PXDN: variants seen among roughly 807,000 people sequenced by gnomAD.
The protein encoded by PXDN is peroxidasin homolog.
A neutral mutation model predicts 140.3 loss-of-function variants in PXDN; 77 were observed. The ratio of observed to expected loss-of-function variants is 0.55; its 90% CI spans 0.46 to 0.66. The LOEUF (loss-of-function observed/expected upper bound fraction) is 0.66. Among genes scored for constraint, PXDN ranks in the 30% least tolerant of loss-of-function variants. The pLI, the probability that PXDN is intolerant of heterozygous loss-of-function variation, is 0.00. For synonymous variants in PXDN, 911 were observed against 857.4 expected, an observed-to-expected ratio of 1.06 and a Z score of -1.09; for missense variants, 1,838 against 2,039.5, an observed-to-expected ratio of 0.90 and a Z score of 1.90.
intron 1 of PXDN, among the ~76,000 whole-genome samples, chr2:1,711,943 C>G (rs1684796640): frequency 6.6e-6 from 1 of 152,212 alleles, no homozygotes; most frequent in Non-Finnish European, 1.5e-5. Flanking sequence ...TTCACTCAAC[C>G]AGCGGCTCCC....
At chr2:1,666,702 G>A (rs1358359503) in intron 9 of PXDN, among the ~76,000 whole-genome samples, 1 of 152,188 alleles carries the variant, frequency 6.6e-6, no homozygotes, top group Non-Finnish European at 1.5e-5. Flanking sequence ...TGAGAAAAGT[G>A]AGCAACCATG....
Position 1,649,260 on chromosome 2 carries a change from G to A in PXDN, c.2520C>T (p.Arg840=), listed in dbSNP as rs779501118. 9 of 1,613,254 alleles carry A rather than the reference G, an allele frequency of 5.6e-6. No individual in the cohort carries two copies. The highest frequency in any genetic ancestry group is 1.3e-5 in the African/African-American group (1 of 75,040). ...TGCTGCAGTGCTGTCCGTCGGAGAA[G>A]CGTGCCTGGCTCAGGGCCACCACCG... The part of the protein sequence containing the change: ...DSTVVALSQA[R]FSDGQHCSNV... Residue 840 remains arginine (R), a synonymous_variant, in exon 17 of 23, where the codon CGC becomes CGT. Transcript: ENST00000252804. This position sits in a 1 kb window ranked among gnomAD's most constrained non-coding sequence, Gnocchi z 7.1.
chr2:1,671,536 A>G (rs890572301), intron 9 of PXDN, among the ~76,000 whole-genome samples: 1 of 152,204 alleles, frequency 6.6e-6, no homozygotes, highest in African/African-American at 2.4e-5. Context: ...AAGCTGCTGT[A>G]TTTATCTTAC....
At chr2:1,641,187 T>C (rs1479400939) in intron 19 of PXDN, among the ~76,000 whole-genome samples, 1 of 152,238 alleles carries the variant, frequency 6.6e-6, no homozygotes, top group Admixed American at 6.5e-5. Context: ...GTTTCACTCT[T>C]GTTGCCCAGG....
chr2:1,678,154 C>G (rs1444276588), intron 7 of PXDN, among the ~76,000 whole-genome samples: 1 of 152,160 alleles, frequency 6.6e-6, no homozygotes, highest in South Asian at 2.1e-4. Context: ...TCTCTCTCCT[C>G]TGCAGCACTA....
intron 1 of PXDN, among the ~76,000 whole-genome samples, chr2:1,733,452 G>A (rs542629679): frequency 6.6e-5 from 10 of 152,214 alleles, no homozygotes; most frequent in Admixed American, 6.5e-5. Flanking sequence ...TTTTTAAAGC[G>A]GTGTCGGCTG....
At chr2:1,635,362 A>G in intron 22 of PXDN, 46 bp downstream of exon 22, 3 of 1,501,442 alleles carry the variant, frequency 2.0e-6, no homozygotes, top group Non-Finnish European at 2.7e-6. Context: ...GGACTCTCGG[A>G]CTTGCGTATA....
rs142336871 is a variant in PXDN, at chr2:1,666,384, G to A, written c.1121C>T (p.Ser374Phe). The change falls in exon 10 of 23, where the codon TCC becomes TTC. Residue 374 changes from serine to phenylalanine, a missense_variant. Ser to Phe is a radical substitution (Grantham distance 155). This residue lies in a region of PXDN where 208 missense variants were observed against 325.8 expected (regional missense o/e 0.64). Transcript: ENST00000252804. ...GGGTGTGCGGTCACCTCTCGTCCAG[G>A]AGATCCGCGGCGGGGGGTGGCCTGT... is the stretch of plus-strand genomic sequence containing the variant. ...SATGHPPPRI[S>F]WTRGDRTPLP... 1.5e-4 allele frequency: 237 copies of A among 1,613,840 alleles called. 1 individual carries two copies. The Middle Eastern group carries it at 2.6e-3, about 18-fold the overall frequency.
chr2:1,744,549 C>CGCGGGGG, upstream of PXDN: 3 of 1,084,162 alleles, frequency 2.8e-6, no homozygotes, highest in Non-Finnish European at 3.5e-6. Flanking sequence ...CCCAGCTGTG[C>CGCGGGGG]GCGGGGGGCG....
chr2:1,743,767 G>A (rs114382205), intron 1 of PXDN, among the ~76,000 whole-genome samples: 43,529 of 130,648 alleles, frequency 0.33, 8,418 homozygotes, highest in East Asian at 0.56. Context: ...GACGAGGAAC[G>A]GGGCGGAGGG....
chr2:1,666,756 A>T (rs537411884), intron 9 of PXDN, among the ~76,000 whole-genome samples: 1 of 152,204 alleles, frequency 6.6e-6, no homozygotes, highest in Non-Finnish European at 1.5e-5. Flanking sequence ...TTCTTAAAAC[A>T]TGTGCCGAAC....
chr2:1,647,274 G>C (rs565936033), intron 17 of PXDN, among the ~76,000 whole-genome samples: 145 of 152,306 alleles, frequency 9.5e-4, no homozygotes, highest in African/African-American at 3.3e-3. Context: ...GTGAGTAAAA[G>C]ATGTGAATAT....
Position 1,634,187 on chromosome 2 carries a change from A to C in PXDN, c.*17T>G, listed in dbSNP as rs1429348034. On this transcript the variant is annotated 3_prime_UTR_variant, in exon 23 of 23. Coordinates refer to ENST00000252804, the MANE Select transcript of PXDN (RefSeq NM_012293.3). The stretch of plus-strand genomic sequence containing the variant: ...ACGATGGCACAGCAGACAAACTCTG[A>C]GGAGCCTCCCAGGAGCCTAGGGCTT... The C allele has an allele frequency of 3.2e-6, 5 of 1,559,936 alleles. No individual in the cohort carries two copies. The highest frequency in any genetic ancestry group is 4.3e-6 in the Non-Finnish European group (5 of 1,151,458).
chr2:1,742,362 G>T (rs1685565541), intron 1 of PXDN, among the ~76,000 whole-genome samples: 1 of 152,198 alleles, frequency 6.6e-6, no homozygotes, highest in Non-Finnish European at 1.5e-5. Flanking sequence ...AAAAACCCCT[G>T]AAAGTTTAAG....
rs1411377082 is a variant in PXDN, at chr2:1,648,313, G to T, written c.3467C>A (p.Ala1156Asp). Residue 1156 changes from alanine to aspartate, a missense_variant, in exon 17 of 23, where the codon GCC becomes GAC. Transcript: ENST00000252804. The surrounding 1 kb of genome is among the most constrained non-coding windows in gnomAD (Gnocchi z 8.9). The stretch of plus-strand genomic sequence containing the variant: ...GTCCCGGCCCCGCTGGATGTTGATG[G>T]CCGCCAGGTCCAGAGCCACCGTGTG... The part of the protein sequence containing the change: ...MAHTVALDLA[A>D]INIQRGRDHG... 1 of 1,613,898 alleles carries T rather than the reference G, an allele frequency of 6.2e-7. No individual in the cohort carries two copies.
chr2:1,736,147 T>C (rs994297769), intron 1 of PXDN, among the ~76,000 whole-genome samples: 1 of 152,216 alleles, frequency 6.6e-6, no homozygotes, highest in African/African-American at 2.4e-5. Flanking sequence ...GAGTGGAATG[T>C]TGTGGCTGGT....
At chr2:1,668,874 T>C (rs1052145152) in intron 9 of PXDN, among the ~76,000 whole-genome samples, 1 of 152,176 alleles carries the variant, frequency 6.6e-6, no homozygotes, top group South Asian at 2.1e-4. Context: ...GTTCAACCAT[T>C]GTGGAAGACA....
intron 1 of PXDN, among the ~76,000 whole-genome samples, chr2:1,699,456 C>CCCAG (rs1463809581): frequency 2.6e-5 from 4 of 152,176 alleles, no homozygotes; most frequent in Non-Finnish European, 5.9e-5. Flanking sequence ...TGCCTGTAAT[C>CCCAG]CCAGCACTTT....
At position 1,733,748 on chromosome 2, in the gene PXDN, C is replaced by CAAAAAAAAAAAA. The variant is rs72208257; in HGVS notation, c.200+10496_200+10507dup. ...CAGAGCAAGATTCTGTGTCAAATGA[C>CAAAAAAAAAAAA]AAAAAAAAAAAAAAAAAAAGCAGTG... On this transcript the variant is annotated intron_variant, in intron 1 of 22. Transcript: ENST00000252804. Among the ~76,000 whole-genome samples the CAAAAAAAAAAAA allele has an allele frequency of 5.2e-4, 41 of 79,224 alleles. 1 individual carries two copies. The highest frequency in any genetic ancestry group is 1.2e-3 in the East Asian group (2 of 1,638). 52.0% of individuals were successfully genotyped at this position (79,224 alleles called of 152,430 possible).
Sources: gnomAD v4.1 joint callset for allele counts (sites outside exome capture counted in the v4.1 genomes callset) on GRCh38, gnomAD v4.1.1 for gene constraint, gnomAD v4.1.1 regional missense constraint, Gnocchi (gnomAD v3.1) non-coding constraint, MANE v1.5 for transcripts, NCBI Gene and HGNC (gene_info 2026-07-23, HGNC 2026-07-21) for gene names.